The following SERPINF1 variants were observed in gnomAD, a reference collection of about 807,000 sequenced individuals.
SERPINF1 encodes serpin family F member 1.
Under a neutral mutation model 37.3 loss-of-function variants are expected in SERPINF1, and 29 were observed. That is an observed-to-expected ratio of 0.78 (90% CI 0.58 to 1.06). SERPINF1 has a LOEUF of 1.06. Among genes scored for constraint, SERPINF1 ranks in the 50% least tolerant of loss-of-function variants. The probability of loss-of-function intolerance (pLI) is 0.00; values close to 1 mark genes in which losing one functional copy is unlikely to be tolerated. For missense variants in SERPINF1, 553 were observed against 532.2 expected, an observed-to-expected ratio of 1.04 and a Z score of -0.38; for synonymous variants, 281 against 227.9, an observed-to-expected ratio of 1.23 and a Z score of -2.10.
chr17:1,766,738 C>T (rs899009992), intron 1 of SERPINF1, 165 bp from the exon 2 acceptor site: 13 of 630,916 alleles, frequency 2.1e-5, no homozygotes, highest in Non-Finnish European at 3.7e-5. Context: ...AGCTGAGGGT[C>T]CACTTCTGGG....
intron 2 of SERPINF1, among the ~76,000 whole-genome samples, chr17:1,768,704 T>C (rs1907540017): frequency 6.6e-6 from 1 of 152,000 alleles, no homozygotes. Flanking sequence ...CTGAAACTCC[T>C]GAGCTCAAGT....
intron 2 of SERPINF1, among the ~76,000 whole-genome samples, chr17:1,768,409 C>G (rs1447305178): frequency 7.5e-6 from 1 of 132,968 alleles, no homozygotes; most frequent in Admixed American, 8.0e-5. Flanking sequence ...CCAGCCTGGG[C>G]GACAGAGTGA....
In SERPINF1 at chr17:1,777,239, C is replaced by T. The variant is rs367927633; in HGVS notation, c.1050C>T (p.Pro350=). The T allele has an allele frequency of 1.1e-4, 172 of 1,614,008 alleles. No homozygotes were observed. The highest frequency in any genetic ancestry group is 1.4e-4 in the Non-Finnish European group (165 of 1,180,042). ...ACTTTAGCAAGATCACAGGCAAACC[C>T]ATCAAGCTGACTCAGGTGGAACACC... ...SPDFSKITGK[P]IKLTQVEHRA... is the part of the protein sequence containing the mutation. Residue 350 remains proline, a synonymous_variant, in exon 8 of 8, where the codon CCC becomes CCT. Coordinates refer to ENST00000254722, the MANE Select transcript of SERPINF1 (RefSeq NM_002615.7).
chr17:1,771,131 T>C lies in SERPINF1; in HGVS notation c.386T>C (p.Val129Ala), dbSNP rs763346070. The stretch of plus-strand genomic sequence containing the variant: ...ACCTATAAGGAGCTCCTTGACACGG[T>C]CACTGCCCCCCAGAAGAACCTCAAG... ...HGTYKELLDT[V>A]TAPQKNLKSA... The change falls in exon 4 of 8, where the codon GTC becomes GCC. Residue 129 changes from valine (V) to alanine (A), a missense_variant. Physicochemically the swap from Val to Ala is moderately conservative, Grantham distance 64 (BLOSUM62 0). Transcript: ENST00000254722. 2.4e-5 allele frequency: 39 copies of C among 1,613,946 alleles called. No homozygotes were observed. Among genetic ancestry groups the C allele is most frequent in the Non-Finnish European group, 2.8e-5 (33 of 1,180,010 alleles).
intron 6 of SERPINF1, among the ~76,000 whole-genome samples, chr17:1,775,591 G>C (rs950457965): frequency 1.7e-4 from 26 of 149,724 alleles, no homozygotes; most frequent in Non-Finnish European, 3.2e-4. Flanking sequence ...CGGCCAGGCT[G>C]GAGTGCAGTG....
intron 7 of SERPINF1, among the ~76,000 whole-genome samples, 193 bp downstream of exon 7, chr17:1,776,935 C>T (rs976177952): frequency 7.3e-5 from 11 of 151,274 alleles, no homozygotes; most frequent in African/African-American, 2.7e-4. Flanking sequence ...CTCAGCCTCA[C>T]GAGCAGACCT....
At chr17:1,763,310 A>G (rs1476858065) in intron 1 of SERPINF1, among the ~76,000 whole-genome samples, 1 of 152,174 alleles carries the variant, frequency 6.6e-6, no homozygotes, top group Non-Finnish European at 1.5e-5. Context: ...GCTTGAGTTG[A>G]TCCGCCTCAC....
Position 1,776,627 on chromosome 17 carries a change from C to G in SERPINF1, c.882C>G (p.Thr294=). 1 of 1,614,084 alleles carries G rather than the reference C, an allele frequency of 6.2e-7. No homozygotes were observed. Among genetic ancestry groups the G allele is most frequent in the Non-Finnish European group, 8.5e-7 (1 of 1,180,034 alleles). The change falls in exon 7 of 8, where the codon ACC becomes ACG. Residue 294 remains threonine (T), a synonymous_variant. Coordinates refer to ENST00000254722, the MANE Select transcript of SERPINF1 (RefSeq NM_002615.7). The part of the protein sequence containing the change: ...QNLTLIEESL[T]SEFIHDIDRE... ...TGACCTTGATAGAGGAGAGCCTCACCTCCGAGTTCATTCATGACATAGACC... is the reference window on the plus strand; with the variant it reads ...TGACCTTGATAGAGGAGAGCCTCACGTCCGAGTTCATTCATGACATAGACC...
intron 1 of SERPINF1, among the ~76,000 whole-genome samples, chr17:1,764,050 C>G (rs188647573): frequency 6.6e-6 from 1 of 152,162 alleles, no homozygotes. Flanking sequence ...GGTGTGGTGG[C>G]GGGCACCTGT....
intron 5 of SERPINF1, 22 bp downstream of exon 5, chr17:1,772,097 T>C: frequency 6.3e-7 from 1 of 1,587,820 alleles, no homozygotes; most frequent in Non-Finnish European, 8.5e-7. Flanking sequence ...TCCAATTCTT[T>C]TTCATTTATT....
At position 1,769,869 on chromosome 17, in the gene SERPINF1, C is replaced by T; in HGVS notation, c.102C>T (p.Asp34=). Reference sequence around the variant, plus strand: ...CCTGCCAGGGCTCCCCAGACCCCGACAGCACAGGGGCGCTGGTGGAGGAGG... The same window carrying T: ...CCTGCCAGGGCTCCCCAGACCCCGATAGCACAGGGGCGCTGGTGGAGGAGG... ...SPPEEGSPDP[D]STGALVEEED... The change falls in exon 3 of 8, where the codon GAC becomes GAT. Residue 34 remains aspartate, a synonymous_variant. Transcript: ENST00000254722. The T allele has an allele frequency of 1.2e-6, 2 of 1,614,228 alleles. No homozygotes were observed. Among genetic ancestry groups the T allele is most frequent in the Non-Finnish European group, 1.7e-6 (2 of 1,180,042 alleles).
intron 4 of SERPINF1, 23 bp downstream of exon 4, chr17:1,771,207 G>A: frequency 6.2e-7 from 1 of 1,609,712 alleles, no homozygotes; most frequent in Non-Finnish European, 8.5e-7. Flanking sequence ...TGCAGCCCAA[G>A]TTGCCTGAGG....
chr17:1,775,186 G>C lies in SERPINF1; in HGVS notation c.772G>C (p.Asp258His). 1 of 1,609,342 alleles carries C rather than the reference G, an allele frequency of 6.2e-7. No homozygotes were observed. Among genetic ancestry groups the C allele is most frequent in the Non-Finnish European group, 8.5e-7 (1 of 1,177,094 alleles). Residue 258 changes from aspartate to histidine, a missense_variant, in exon 6 of 8, where the codon GAT (aspartate) becomes CAT (histidine). Physicochemically the swap from Asp to His is moderately conservative, Grantham distance 81 (BLOSUM62 -1). Coordinates refer to ENST00000254722, the MANE Select transcript of SERPINF1 (RefSeq NM_002615.7). ...KAVLRYGLDS[D>H]LSCKIAQLPL... ...TGTTTTACGCTATGGCTTGGATTCAGATCTCAGCTGCAAGGTCTGTAGGGA... is the reference window on the plus strand; with the variant it reads ...TGTTTTACGCTATGGCTTGGATTCACATCTCAGCTGCAAGGTCTGTAGGGA...
chr17:1,775,324 A>G, intron 6 of SERPINF1, 124 bp downstream of exon 6: 1 of 988,924 alleles, frequency 1.0e-6, no homozygotes, highest in Non-Finnish European at 1.5e-6. Flanking sequence ...CTGCTGTGTG[A>G]CTTTGAGCAG....
chr17:1,776,271 GAA>G (rs1908024201), intron 6 of SERPINF1, among the ~76,000 whole-genome samples: 1 of 152,208 alleles, frequency 6.6e-6, no homozygotes, highest in African/African-American at 2.4e-5. Flanking sequence ...AACCACAGGA[GAA>G]CATTCTTTCA....
intron 5 of SERPINF1, among the ~76,000 whole-genome samples, chr17:1,773,747 CCTT>C (rs1907876598): frequency 6.6e-6 from 1 of 152,180 alleles, no homozygotes; most frequent in Non-Finnish European, 1.5e-5. Context: ...CCAACGACAT[CCTT>C]CTAGGCTGTG....
chr17:1,772,241 C>T (rs528764274), intron 5 of SERPINF1, among the ~76,000 whole-genome samples, 166 bp downstream of exon 5: 165 of 152,006 alleles, frequency 1.1e-3, no homozygotes, highest in African/African-American at 3.5e-3. Context: ...CTCAGCCTCC[C>T]GAGTAGCTGG....
intron 3 of SERPINF1, 198 bp from the exon 4 acceptor site, chr17:1,770,831 C>T: frequency 1.6e-6 from 1 of 632,730 alleles, no homozygotes; most frequent in Non-Finnish European, 2.9e-6. Flanking sequence ...TCCCACCTTC[C>T]AGGCCTGATG....
At chr17:1,775,490 T>G (rs1907974269) in intron 6 of SERPINF1, among the ~76,000 whole-genome samples, 1 of 152,046 alleles carries the variant, frequency 6.6e-6, no homozygotes, top group Non-Finnish European at 1.5e-5. Flanking sequence ...AGACTCCTAT[T>G]TCTAGAATTT....
Sources: gnomAD v4.1 joint callset for allele counts (sites outside exome capture counted in the v4.1 genomes callset) on GRCh38, gnomAD v4.1.1 for gene constraint, MANE v1.5 for transcripts, NCBI Gene and HGNC (gene_info 2026-07-23, HGNC 2026-07-21) for gene names.